Variants in STXBP5L observed in about 807,000 individuals in gnomAD.
The protein encoded by STXBP5L is syntaxin-binding protein 5-like.
STXBP5L carries 65 observed loss-of-function variants against 144.5 expected under a neutral mutation model. That is an observed-to-expected ratio of 0.45 (90% CI 0.37 to 0.55). The LOEUF (loss-of-function observed/expected upper bound fraction) is 0.55. Among genes scored for constraint, STXBP5L ranks in the 20% least tolerant of loss-of-function variants. The probability of loss-of-function intolerance (pLI) is 0.00; values close to 1 mark genes in which losing one functional copy is unlikely to be tolerated. For synonymous variants in STXBP5L, 505 were observed against 469.6 expected (o/e 1.08, Z -0.97); for missense variants, 1,298 against 1,405.5 (o/e 0.92, Z 1.22).
At chr3:121,242,610 G>T (rs1432159237) in intron 14 of STXBP5L, among the ~76,000 whole-genome samples, 1 of 151,840 alleles carries the variant, frequency 6.6e-6, no homozygotes, top group Non-Finnish European at 1.5e-5. Context: ...AAAATTATAT[G>T]GTATACTGAA....
intron 21 of STXBP5L, among the ~76,000 whole-genome samples, chr3:121,380,520 G>A (rs1490455679): frequency 6.6e-6 from 1 of 152,032 alleles, no homozygotes; most frequent in Non-Finnish European, 1.5e-5. Context: ...ATTTCACTGA[G>A]CTGTATGAGT....
At chr3:121,348,875 T>A (rs762861489) in intron 20 of STXBP5L, among the ~76,000 whole-genome samples, 11 of 152,058 alleles carry the variant, frequency 7.2e-5, no homozygotes, top group Non-Finnish European at 1.5e-4. Flanking sequence ...TTACTAGCAG[T>A]CTATCAATTT....
intron 3 of STXBP5L, among the ~76,000 whole-genome samples, chr3:120,974,946 C>G (rs913200336): frequency 6.6e-6 from 1 of 152,110 alleles, no homozygotes; most frequent in Admixed American, 6.5e-5. Context: ...GTTACTTTAG[C>G]CTTGTAGTAT....
chr3:121,041,599 A>G, intron 3 of STXBP5L, 101 bp from the exon 4 acceptor site: 2 of 866,578 alleles, frequency 2.3e-6, no homozygotes, highest in Non-Finnish European at 3.7e-6. Context: ...AAATAAGGGA[A>G]ACCAAATAGC....
chr3:121,339,847 G>A lies in STXBP5L; in HGVS notation c.2176+21307G>A, dbSNP rs146672941. ...AAAAAAACTAGGAATACATTTAACCGGGGAGGTGAAAGAGCTCTACAAGGA... is the reference window on the plus strand; with the variant it reads ...AAAAAAACTAGGAATACATTTAACCAGGGAGGTGAAAGAGCTCTACAAGGA... On this transcript the variant is annotated intron_variant, in intron 20 of 26. Coordinates refer to ENST00000471454, the MANE Select transcript of STXBP5L (RefSeq NM_001308330.2). Among the ~76,000 whole-genome samples the A allele has an allele frequency of 2.8e-3, 425 of 150,748 alleles. 3 individuals are homozygous for A. Among genetic ancestry groups the A allele is most frequent in the African/African-American group, 9.3e-3 (381 of 41,162 alleles).
At chr3:121,171,587 C>T (rs1344113617) in intron 9 of STXBP5L, among the ~76,000 whole-genome samples, 3 of 152,120 alleles carry the variant, frequency 2.0e-5, no homozygotes, top group Non-Finnish European at 2.9e-5. Flanking sequence ...CATGAGTGAA[C>T]TCTCATTCAC....
At chr3:121,278,085 C>T (rs919734981) in intron 18 of STXBP5L, among the ~76,000 whole-genome samples, 1 of 151,962 alleles carries the variant, frequency 6.6e-6, no homozygotes, top group Non-Finnish European at 1.5e-5. Flanking sequence ...TAGTCTCAGT[C>T]TCTCATCTCT....
chr3:120,947,402 A>G (rs1360648537), intron 2 of STXBP5L, among the ~76,000 whole-genome samples: 1 of 151,752 alleles, frequency 6.6e-6, no homozygotes, highest in Non-Finnish European at 1.5e-5. Flanking sequence ...TTTATTGCAT[A>G]CTTTGTCTCA....
chr3:121,299,251 G>A (rs147619801), intron 19 of STXBP5L, among the ~76,000 whole-genome samples: 7 of 152,154 alleles, frequency 4.6e-5, no homozygotes, highest in Non-Finnish European at 8.8e-5. Context: ...AAATGAGGAA[G>A]ATATTTTATA....
At chr3:121,167,556 C>T (rs2046544104) in intron 9 of STXBP5L, among the ~76,000 whole-genome samples, 1 of 152,006 alleles carries the variant, frequency 6.6e-6, no homozygotes, top group African/African-American at 2.4e-5. Flanking sequence ...TAAACAAAGC[C>T]ACCAAGAAGT....
At position 121,121,354 on chromosome 3, in the gene STXBP5L, C is replaced by T. The variant is rs148718134; in HGVS notation, c.606-287C>T. Among the ~76,000 whole-genome samples the T allele has an allele frequency of 2.7e-3, 402 of 151,272 alleles. 4 individuals are homozygous for T. Among genetic ancestry groups the T allele is most frequent in the African/African-American group, 7.5e-3 (312 of 41,464 alleles). On this transcript the variant is annotated intron_variant, in intron 6 of 26. Coordinates refer to ENST00000471454, the MANE Select transcript of STXBP5L (RefSeq NM_001308330.2). ...AAATTCAATTAAAAAAATTCAGAGG[C>T]GCTTATCTGACAACAAACGTTTCAA...
At chr3:120,960,418 G>C (rs188815641) in intron 3 of STXBP5L, among the ~76,000 whole-genome samples, 12 of 152,054 alleles carry the variant, frequency 7.9e-5, no homozygotes, top group Non-Finnish European at 1.5e-4. Context: ...GGTATATACC[G>C]AAAGGAGTAT....
intron 3 of STXBP5L, among the ~76,000 whole-genome samples, chr3:120,957,293 A>G (rs1938139972): frequency 6.6e-6 from 1 of 152,012 alleles, no homozygotes; most frequent in Non-Finnish European, 1.5e-5. Flanking sequence ...TATTGAAATG[A>G]TCGGATAGTT....
intron 9 of STXBP5L, among the ~76,000 whole-genome samples, chr3:121,195,103 C>A (rs1054225885): frequency 6.6e-6 from 1 of 151,414 alleles, no homozygotes; most frequent in Admixed American, 6.6e-5. Flanking sequence ...TTTTTTAATA[C>A]AAAATTTAGA....
At chr3:121,287,755 G>A (rs1229486979) in intron 19 of STXBP5L, among the ~76,000 whole-genome samples, 1 of 151,982 alleles carries the variant, frequency 6.6e-6, no homozygotes, top group Admixed American at 6.6e-5. Flanking sequence ...CTTGAACCCA[G>A]GAGGCAGAGG....
intron 5 of STXBP5L, among the ~76,000 whole-genome samples, chr3:121,076,001 C>A (rs918074871): frequency 5.3e-5 from 8 of 152,222 alleles, no homozygotes; most frequent in Non-Finnish European, 1.0e-4. Context: ...TGCATTAGAT[C>A]TATAAGAGCC....
chr3:120,912,809 TATAG>T (rs1708913849), intron 2 of STXBP5L, among the ~76,000 whole-genome samples: 1 of 151,958 alleles, frequency 6.6e-6, no homozygotes, highest in African/African-American at 2.4e-5. Flanking sequence ...CCTTGATGGG[TATAG>T]AGTTTCCTTC....
At chr3:121,256,597 T>G (rs1400853573) in intron 16 of STXBP5L, among the ~76,000 whole-genome samples, 1 of 151,902 alleles carries the variant, frequency 6.6e-6, no homozygotes, top group Non-Finnish European at 1.5e-5. Context: ...ACCAAAAATA[T>G]GGAATTTTGT....
chr3:121,337,436 C>T (rs1415085775), intron 20 of STXBP5L, among the ~76,000 whole-genome samples: 4 of 48,560 alleles, frequency 8.2e-5, no homozygotes, highest in African/African-American at 4.0e-4. Flanking sequence ...AAAGCAACAA[C>T]AGTAAAAAAA....
Sources: gnomAD v4.1 joint callset for allele counts (sites outside exome capture counted in the v4.1 genomes callset) on GRCh38, gnomAD v4.1.1 for gene constraint, MANE v1.5 for transcripts, NCBI Gene and HGNC (gene_info 2026-07-23, HGNC 2026-07-21) for gene names.